Variants in APOL4 observed in about 807,000 individuals in gnomAD.
The protein encoded by APOL4 is apolipoprotein L, 4.
APOL4 carries 14 observed loss-of-function variants against 12.1 expected under a neutral mutation model. That is an observed-to-expected ratio of 1.16 (90% CI 0.76 to 1.81). The LOEUF is 1.81. Among genes scored for constraint, APOL4 ranks in the 40% most tolerant of loss-of-function variants. The pLI is 0.00. For missense variants in APOL4, 432 were observed against 423.1 expected (o/e 1.02, Z -0.18); for synonymous variants, 171 against 160.6 (o/e 1.06, Z -0.49).
At chr22:36,193,895 A>T (rs1307677227) in intron 3 of APOL4, among the ~76,000 whole-genome samples, 1 of 152,168 alleles carries the variant, frequency 6.6e-6, no homozygotes, top group Non-Finnish European at 1.5e-5. Flanking sequence ...TGGCACCTCC[A>T]AACTTCAGGG....
intron 1 of APOL4, among the ~76,000 whole-genome samples, chr22:36,200,970 T>G (rs132719): frequency 0.39 from 59,891 of 151,980 alleles, 13,035 homozygotes; most frequent in East Asian, 0.88. Context: ...TTTTTAAAGA[T>G]GGAAGTTAAG....
rs1299719133 is a variant in APOL4, at chr22:36,189,580, T to A, written c.*1495A>T. On this transcript the variant is annotated 3_prime_UTR_variant, in exon 4 of 4. Coordinates refer to ENST00000683024, the MANE Select transcript of APOL4 (RefSeq NM_001386885.1). ...GACATCCAACCGGGGGGCGGGTCTT[T>A]AGTGGAGCCGCTGTTTCTTCTCCTG... 6.6e-6 allele frequency: 1 copy of A among 152,190 alleles called. No homozygotes were observed. Among genetic ancestry groups the A allele is most frequent in the African/African-American group, 2.4e-5 (1 of 41,418 alleles). 9.4% of individuals were successfully genotyped at this position (152,190 alleles called of 1,614,324 possible). A position where few individuals can be genotyped will look rare whatever the true frequency, so the allele number is the denominator to read the frequency against.
chr22:36,202,582 C>G (rs940806346), upstream of APOL4, among the ~76,000 whole-genome samples: 3 of 151,992 alleles, frequency 2.0e-5, no homozygotes, highest in Non-Finnish European at 4.4e-5. Flanking sequence ...AAAAATTAGC[C>G]GAGTGTAGTG....
intron 2 of APOL4, 97 bp downstream of exon 2, chr22:36,199,233 A>T: frequency 6.5e-7 from 1 of 1,535,734 alleles, no homozygotes; most frequent in East Asian, 2.2e-5. Context: ...GGGCTCACTC[A>T]GCCTTGAAGA....
intron 2 of APOL4, among the ~76,000 whole-genome samples, chr22:36,198,300 G>A (rs1297406659): frequency 1.3e-5 from 2 of 152,204 alleles, no homozygotes; most frequent in East Asian, 3.8e-4. Flanking sequence ...TTCCAACAAG[G>A]TAAAGCAAAA....
chr22:36,200,121 CT>C (rs1032046621), intron 1 of APOL4, among the ~76,000 whole-genome samples: 2 of 152,172 alleles, frequency 1.3e-5, no homozygotes, highest in African/African-American at 4.8e-5. Flanking sequence ...ATGTGCAGGG[CT>C]TCTGACATGT....
chr22:36,202,026 G>C, upstream of APOL4: 1 of 1,614,146 alleles, frequency 6.2e-7, no homozygotes, highest in East Asian at 2.2e-5. Context: ...CAGCAAAGCA[G>C]CTCCCTCCAT....
chr22:36,196,199 A>G (rs560492282), intron 2 of APOL4, among the ~76,000 whole-genome samples: 213 of 152,340 alleles, frequency 1.4e-3, no homozygotes, highest in Non-Finnish European at 2.6e-3. Context: ...TTGACCCATC[A>G]GTGGGTTATG....
intron 3 of APOL4, among the ~76,000 whole-genome samples, chr22:36,192,883 C>T (rs2014303085): frequency 6.6e-6 from 1 of 152,136 alleles, no homozygotes; most frequent in Non-Finnish European, 1.5e-5. Flanking sequence ...GTGATCCAGC[C>T]CCAGGAAGAG....
intron 1 of APOL4, among the ~76,000 whole-genome samples, chr22:36,200,421 G>A (rs1318526148): frequency 2.0e-5 from 3 of 152,240 alleles, no homozygotes; most frequent in Non-Finnish European, 4.4e-5. Flanking sequence ...TGGACAGCCT[G>A]TGTCCCCCTT....
In APOL4 at chr22:36,191,329, G is replaced by A. The variant is rs368529546; in HGVS notation, c.793C>T (p.Pro265Ser). 1 of 1,614,052 alleles carries A rather than the reference G, an allele frequency of 6.2e-7. No homozygotes were observed. The highest frequency in any genetic ancestry group is 1.1e-5 in the South Asian group (1 of 91,084). The change falls in exon 4 of 4, where the codon CCT (proline) becomes TCT (serine). Residue 265 changes from proline (P) to serine (S), a missense_variant. Coordinates refer to ENST00000683024, the MANE Select transcript of APOL4 (RefSeq NM_001386885.1). ...GRPLIAWRYV[P>S]INVVETLRTR... ...CTCAGTGTCTCAACAACATTTATAG[G>A]TACATATCGCCAAGCAATCAAAGGG... is the stretch of plus-strand genomic sequence containing the variant.
chr22:36,202,725 C>CA (rs1408219074), upstream of APOL4, among the ~76,000 whole-genome samples: 54 of 119,630 alleles, frequency 4.5e-4, 1 homozygote, highest in Middle Eastern at 4.2e-3. Context: ...GACTCCATCT[C>CA]AGAAAAAAGA....
intron 1 of APOL4, 171 bp from the exon 2 acceptor site, chr22:36,199,547 A>G: frequency 6.3e-7 from 1 of 1,582,388 alleles, no homozygotes; most frequent in South Asian, 1.1e-5. Context: ...CTATTTACAG[A>G]CACTCAACTC....
intron 2 of APOL4, chr22:36,197,856 T>C (rs1188517937): frequency 3.9e-6 from 6 of 1,539,726 alleles, no homozygotes; most frequent in Non-Finnish European, 5.3e-6. Context: ...GTGGCCAATC[T>C]GGCTAAGACC....
chr22:36,198,317 G>A (rs546358897), intron 2 of APOL4, among the ~76,000 whole-genome samples: 1 of 152,322 alleles, frequency 6.6e-6, no homozygotes, highest in East Asian at 1.9e-4. Context: ...AAAACAGGCA[G>A]TTTTATCACT....
chr22:36,199,077 A>G (rs1161277240), intron 2 of APOL4, among the ~76,000 whole-genome samples: 1 of 152,168 alleles, frequency 6.6e-6, no homozygotes, highest in Admixed American at 6.5e-5. Flanking sequence ...GTGTCAGGGT[A>G]GGGAGGAAGT....
chr22:36,204,606 G>T, upstream of APOL4: 1 of 468,930 alleles, frequency 2.1e-6, no homozygotes. Flanking sequence ...GATGGAGGGA[G>T]GTCACACCAT....
Position 36,189,938 on chromosome 22 carries a change from C to T in APOL4, c.*1137G>A, listed in dbSNP as rs537500180. ...CCTAAAAAATGTCTGCGTTTTGTCC[C>T]GGCCTGTGTCTGGCTCACCTTCCCT... On this transcript the variant is annotated 3_prime_UTR_variant, in exon 4 of 4. Transcript: ENST00000683024. 430 of 205,202 alleles carry T rather than the reference C, an allele frequency of 2.1e-3. No homozygotes were observed. Among genetic ancestry groups the T allele is most frequent in the South Asian group, 0.011 (110 of 10,316 alleles). The allele number at this position is 205,202 out of a possible 1,614,324, so 12.7% of individuals were successfully genotyped here. A position where few individuals can be genotyped will look rare whatever the true frequency, so the allele number is the denominator to read the frequency against.
At chr22:36,198,840 G>T (rs1210550080) in intron 2 of APOL4, among the ~76,000 whole-genome samples, 3 of 152,202 alleles carry the variant, frequency 2.0e-5, no homozygotes, top group African/African-American at 7.2e-5. Flanking sequence ...TACCCACAGG[G>T]CCACTCAGAG....
Sources: gnomAD v4.1 joint callset for allele counts (sites outside exome capture counted in the v4.1 genomes callset) on GRCh38, gnomAD v4.1.1 for gene constraint, MANE v1.5 for transcripts, NCBI Gene and HGNC (gene_info 2026-07-23, HGNC 2026-07-21) for gene names.